The following DNAAF9 variants were observed in gnomAD, a reference collection of about 807,000 sequenced individuals.
The protein encoded by DNAAF9 is shulin.
DNAAF9 carries 90 observed loss-of-function variants against 167.0 expected under a neutral mutation model. The observed-to-expected ratio is 0.54, with a 90% CI of 0.45 to 0.64. The LOEUF (loss-of-function observed/expected upper bound fraction) is 0.64, where lower values mean the gene tolerates loss of function less well. DNAAF9 is among the 30% of genes least tolerant of loss of function. The probability of loss-of-function intolerance (pLI) is 0.00; values close to 1 mark genes in which losing one functional copy is unlikely to be tolerated. For synonymous variants in DNAAF9, 491 were observed against 508.8 expected, an observed-to-expected ratio of 0.96 and a Z score of 0.47; for missense variants, 1,315 against 1,442.2, an observed-to-expected ratio of 0.91 and a Z score of 1.43.
At chr20:3,350,140 G>GACACACACACACACACACACAC (rs1491384105) in intron 7 of DNAAF9, among the ~76,000 whole-genome samples, 58 of 115,768 alleles carry the variant, frequency 5.0e-4, no homozygotes, top group Non-Finnish European at 6.2e-4. Context: ...CAGACACACA[G>GACACACACACACACACACACAC]ACACACAGAC....
In DNAAF9 at chr20:3,374,991, C is replaced by G. The variant is rs555217802; in HGVS notation, c.505+39G>C. 8.9e-5 allele frequency: 100 copies of G among 1,125,184 alleles called. No individual in the cohort carries two copies. In the East Asian group the frequency reaches 2.3e-3, roughly 26 times the overall value. The allele number at this position is 1,125,184 out of a possible 1,614,324, so 69.7% of individuals were successfully genotyped here. A position where few individuals can be genotyped will look rare whatever the true frequency, so the allele number is the denominator to read the frequency against. On this transcript the variant is annotated intron_variant, in intron 5 of 36. Coordinates refer to ENST00000252032, the MANE Select transcript of DNAAF9 (RefSeq NM_001009984.3). ...TAGTGACGTTCAATTCACACACCAC[C>G]TAAGCAAGGTTCTAGAAGGCTTGCT...
intron 21 of DNAAF9, 70 bp from the exon 22 acceptor site, chr20:3,298,245 A>T: frequency 8.1e-7 from 1 of 1,236,330 alleles, no homozygotes; most frequent in Non-Finnish European, 1.2e-6. Flanking sequence ...AACTACTGCC[A>T]GAACACACAG....
At chr20:3,363,199 G>C (rs1292629532) in intron 6 of DNAAF9, among the ~76,000 whole-genome samples, 3 of 143,666 alleles carry the variant, frequency 2.1e-5, no homozygotes, top group Non-Finnish European at 3.1e-5. Context: ...ATTGCTCTCT[G>C]GCCTGGGTGA....
chr20:3,321,220 G>A (rs1175749174), intron 16 of DNAAF9, among the ~76,000 whole-genome samples: 1 of 152,168 alleles, frequency 6.6e-6, no homozygotes, highest in African/African-American at 2.4e-5. Flanking sequence ...ATCACTTAAT[G>A]ACAGGGATAC....
chr20:3,348,446 GA>G (rs2070240543), intron 8 of DNAAF9, 78 bp downstream of exon 8: 2 of 765,182 alleles, frequency 2.6e-6, no homozygotes, highest in South Asian at 2.4e-5. Flanking sequence ...GTTGTATTTT[GA>G]AAAAAATTTA....
intron 6 of DNAAF9, among the ~76,000 whole-genome samples, chr20:3,371,396 T>C (rs765647108): frequency 2.9e-4 from 39 of 133,558 alleles, no homozygotes; most frequent in Admixed American, 5.4e-4. Context: ...CAGGCTGGAG[T>C]GCAGTGGCGC....
chr20:3,294,084 G>C lies in DNAAF9; in HGVS notation c.2238+55C>G, dbSNP rs1011772301. The C allele has an allele frequency of 7.2e-6, 7 of 969,324 alleles. No homozygotes were observed. In the African/African-American group the frequency reaches 8.0e-5, roughly 11 times the overall value. The allele number at this position is 969,324 out of a possible 1,614,324, so 60.0% of individuals were successfully genotyped here. A position where few individuals can be genotyped will look rare whatever the true frequency, so the allele number is the denominator to read the frequency against. ...AACTGACACAAAAGATTCAGGGGCA[G>C]GCTCTCAAGATCATCTTCCTGTGAA... On this transcript the variant is annotated intron_variant, in intron 25 of 36. Coordinates refer to ENST00000252032, the MANE Select transcript of DNAAF9 (RefSeq NM_001009984.3).
At chr20:3,395,817 T>C (rs1160160413) in intron 1 of DNAAF9, among the ~76,000 whole-genome samples, 1 of 152,206 alleles carries the variant, frequency 6.6e-6, no homozygotes, top group Non-Finnish European at 1.5e-5. Context: ...CTAGGTATTT[T>C]GCAGTTTTTG....
chr20:3,340,589 T>A lies in DNAAF9; in HGVS notation c.896A>T (p.Asn299Ile), dbSNP rs2070062608. 1.2e-6 allele frequency: 2 copies of A among 1,613,870 alleles called. No individual in the cohort carries two copies. Among genetic ancestry groups the A allele is most frequent in the East Asian group, 4.5e-5 (2 of 44,874 alleles). ...GAAGTTAAAGTTGCCAGCATTCAGG[T>A]TTTCTCGTGTGGAGTGATTACCAAA... is the stretch of plus-strand genomic sequence containing the variant. ...VLFGNHSTRE[N>I]LNAGNFNFPS... Residue 299 changes from asparagine (N) to isoleucine (I), a missense_variant, in exon 10 of 37, where the codon AAC becomes ATC. Physicochemically the swap from Asn to Ile is moderately radical, Grantham distance 149 (BLOSUM62 -3). Around this residue, in one of 2 missense-constraint regions of DNAAF9, gnomAD observed 981 missense variants for 1,012.5 expected, o/e 0.97. Coordinates refer to ENST00000252032, the MANE Select transcript of DNAAF9 (RefSeq NM_001009984.3).
chr20:3,306,945 G>A (rs2069309134), intron 20 of DNAAF9: 2 of 985,166 alleles, frequency 2.0e-6, no homozygotes, highest in Non-Finnish European at 2.4e-6. Flanking sequence ...CTGCTGCTGA[G>A]TGGTTAGTAC....
chr20:3,322,119 T>C, intron 16 of DNAAF9, 98 bp downstream of exon 16: 1 of 783,926 alleles, frequency 1.3e-6, no homozygotes, highest in Non-Finnish European at 2.2e-6. Context: ...TCAGGTGGGG[T>C]GGGCTGCCCA....
chr20:3,316,012 A>C, intron 18 of DNAAF9: 1 of 579,862 alleles, frequency 1.7e-6, no homozygotes, highest in Non-Finnish European at 3.1e-6. Context: ...GGTCCAGCTA[A>C]TGAGCTTATG....
Position 3,249,799 on chromosome 20 carries a change from A to C in DNAAF9, c.*2773T>G, listed in dbSNP as rs2068171574. 2 of 152,216 alleles carry C rather than the reference A, an allele frequency of 1.3e-5. No homozygotes were observed. Among genetic ancestry groups the C allele is most frequent in the Non-Finnish European group, 1.5e-5 (1 of 68,044 alleles). The allele number at this position is 152,216 out of a possible 1,614,324, so 9.4% of individuals were successfully genotyped here. On this transcript the variant is annotated 3_prime_UTR_variant, in exon 37 of 37. Transcript: ENST00000252032. ...GCTTCTTACTGTGCAAAAATTCTCCAAAATCCTAATAGAATTTAGGAGGGA... is the reference window on the plus strand; with the variant it reads ...GCTTCTTACTGTGCAAAAATTCTCCCAAATCCTAATAGAATTTAGGAGGGA...
rs1351908921 is a variant in DNAAF9 at position 3,256,229 on chromosome 20, A to G, written c.3056-18T>C. 33 of 1,573,476 alleles carry G rather than the reference A, an allele frequency of 2.1e-5. No individual in the cohort carries two copies. Among genetic ancestry groups the G allele is most frequent in the Non-Finnish European group, 2.8e-5 (32 of 1,143,126 alleles). ...CTCAGAGTCTGTAAGGAGAATACAC[A>G]TTAGTCCCTGAGAGCCTGCCTTGAA... is the stretch of plus-strand genomic sequence containing the variant. On this transcript the variant is annotated intron_variant, in intron 33 of 36. Transcript: ENST00000252032.
intron 21 of DNAAF9, among the ~76,000 whole-genome samples, chr20:3,299,960 T>C (rs1314054385): frequency 6.6e-6 from 1 of 152,226 alleles, no homozygotes; most frequent in African/African-American, 2.4e-5. Flanking sequence ...TGGAATGCAG[T>C]AGCACAATCT....
intron 9 of DNAAF9, among the ~76,000 whole-genome samples, chr20:3,342,709 T>G (rs1178779389): frequency 6.6e-6 from 1 of 152,232 alleles, no homozygotes; most frequent in Non-Finnish European, 1.5e-5. Context: ...CAGAAAAAGA[T>G]GACTCTGAGT....
chr20:3,306,422 T>A (rs2069294568), intron 20 of DNAAF9, among the ~76,000 whole-genome samples: 1 of 152,236 alleles, frequency 6.6e-6, no homozygotes, highest in South Asian at 2.1e-4. Context: ...AAGAAAGGAA[T>A]GGGAACAGGT....
intron 21 of DNAAF9, among the ~76,000 whole-genome samples, chr20:3,302,680 A>T (rs2069212056): frequency 6.6e-6 from 1 of 152,244 alleles, no homozygotes; most frequent in African/African-American, 2.4e-5. Context: ...AAAATGTCAG[A>T]CTCAAAGGTT....
rs143645969 is a variant in DNAAF9, at chr20:3,308,699, A to C, written c.1679-4156T>G. 4.9e-3 allele frequency among the ~76,000 whole-genome samples: 733 copies of C among 150,922 alleles called. 2 individuals are homozygous for C. The highest frequency in any genetic ancestry group is 6.8e-3 in the Middle Eastern group (2 of 294). ...CCAGGTGCGGTGGCTCCCTCCAGCC[A>C]GGTACAGTGGCTCACGCCTGTAATC... On this transcript the variant is annotated intron_variant, in intron 20 of 36. Transcript: ENST00000252032.
Sources: gnomAD v4.1 joint callset for allele counts (sites outside exome capture counted in the v4.1 genomes callset) on GRCh38, gnomAD v4.1.1 for gene constraint, gnomAD v4.1.1 regional missense constraint, MANE v1.5 for transcripts, NCBI Gene and HGNC (gene_info 2026-07-23, HGNC 2026-07-21) for gene names.